RGSL1: variants seen among roughly 807,000 people sequenced by gnomAD.
The protein encoded by RGSL1 is regulator of G protein signaling protein-like.
Under a neutral mutation model 124.7 loss-of-function variants are expected in RGSL1, and 97 were observed. That is an observed-to-expected ratio of 0.78 (90% CI 0.66 to 0.92). RGSL1 has a LOEUF of 0.92. Ranked by LOEUF, RGSL1 falls within the 40% of genes least tolerant of loss-of-function variation. The probability of loss-of-function intolerance (pLI) is 0.00; values close to 1 mark genes in which losing one functional copy is unlikely to be tolerated. For missense variants in RGSL1, 1,233 were observed against 1,288.4 expected, an observed-to-expected ratio of 0.96 and a Z score of 0.66; for synonymous variants, 424 against 438.1, an observed-to-expected ratio of 0.97 and a Z score of 0.40.
At chr1:182,538,071 C>T (rs1659659704) in intron 14 of RGSL1, among the ~76,000 whole-genome samples, 2 of 152,298 alleles carry the variant, frequency 1.3e-5, no homozygotes, top group South Asian at 2.1e-4. Flanking sequence ...AGGGCTCACT[C>T]ATTTTTCCCA....
At chr1:182,458,893 T>G (rs929733171) in intron 3 of RGSL1, among the ~76,000 whole-genome samples, 1 of 152,148 alleles carries the variant, frequency 6.6e-6, no homozygotes, top group African/African-American at 2.4e-5. Flanking sequence ...AGGTCTACAT[T>G]TCTCCTTTTT....
chr1:182,524,214 TG>T (rs1285880154), intron 10 of RGSL1, among the ~76,000 whole-genome samples: 25 of 152,320 alleles, frequency 1.6e-4, no homozygotes, highest in African/African-American at 6.0e-4. Context: ...GGGGATTCTT[TG>T]GGGTTTGTTG....
chr1:182,473,328 T>A (rs1219027910), intron 5 of RGSL1, among the ~76,000 whole-genome samples: 2 of 152,176 alleles, frequency 1.3e-5, no homozygotes, highest in Non-Finnish European at 2.9e-5. Context: ...ATCTAAAAAG[T>A]AGCTAGAGGA....
intron 9 of RGSL1, among the ~76,000 whole-genome samples, chr1:182,516,335 A>G (rs1657897353): frequency 6.6e-6 from 1 of 152,182 alleles, no homozygotes; most frequent in African/African-American, 2.4e-5. Context: ...TCTCCTGTCC[A>G]TATCATCTGT....
In RGSL1 at chr1:182,530,882, T is replaced by G; in HGVS notation, c.2336T>G (p.Ile779Arg). ...ATTTCGTCTAGGAAGCCCTCAAAGA[T>G]AGTGTCAACTTACCTACAGGAATCC... Reference protein sequence around the residue: ...VQISSRKPSKIVSTYLQESQK... With the variant: ...VQISSRKPSKRVSTYLQESQK... Residue 779 changes from isoleucine (I) to arginine (R), a missense_variant, in exon 13 of 22, where the codon ATA becomes AGA. By Grantham distance (97) the Ile-to-Arg change is moderately conservative (BLOSUM62 -3). Transcript: ENST00000294854. 6.5e-7 allele frequency: 1 copy of G among 1,549,678 alleles called. No individual in the cohort carries two copies. The highest frequency in any genetic ancestry group is 8.7e-7 in the Non-Finnish European group (1 of 1,145,972).
At chr1:182,526,108 T>C (rs1267730671) in intron 10 of RGSL1, among the ~76,000 whole-genome samples, 1 of 152,174 alleles carries the variant, frequency 6.6e-6, no homozygotes, top group Non-Finnish European at 1.5e-5. Context: ...TTTTCTCACA[T>C]AGAAACACTC....
intron 15 of RGSL1, among the ~76,000 whole-genome samples, chr1:182,545,912 T>G (rs961549045): frequency 1.3e-5 from 2 of 152,202 alleles, no homozygotes; most frequent in Non-Finnish European, 2.9e-5. Context: ...TGGGTCAAAT[T>G]TATTTAATGT....
intron 9 of RGSL1, among the ~76,000 whole-genome samples, chr1:182,514,971 C>T (rs1657750524): frequency 1.3e-5 from 2 of 152,156 alleles, no homozygotes; most frequent in African/African-American, 4.8e-5. Flanking sequence ...TTTTGAAAGA[C>T]AGGAAAGTAG....
At chr1:182,514,333 G>A (rs983645660) in intron 9 of RGSL1, among the ~76,000 whole-genome samples, 16 of 152,088 alleles carry the variant, frequency 1.1e-4, no homozygotes, top group African/African-American at 3.9e-4. Flanking sequence ...TCGTCAGTGG[G>A]ATCCCATTTA....
intron 4 of RGSL1, among the ~76,000 whole-genome samples, chr1:182,466,826 C>T (rs1302812042): frequency 2.6e-5 from 4 of 152,216 alleles, no homozygotes; most frequent in East Asian, 1.9e-4. Context: ...AAACGTCAAT[C>T]CTAAAATTTC....
At position 182,484,628 on chromosome 1, in the gene RGSL1, G is replaced by C. The variant is rs936094331; in HGVS notation, c.1432-3657G>C. 5.3e-5 allele frequency among the ~76,000 whole-genome samples: 8 copies of C among 152,346 alleles called. 1 individual carries two copies. Among genetic ancestry groups the C allele is most frequent in the East Asian group, 1.9e-4 (1 of 5,178 alleles). On this transcript the variant is annotated intron_variant, in intron 6 of 21. Transcript: ENST00000294854. The stretch of plus-strand genomic sequence containing the variant: ...TATGGGGCAGCTCCAACAAGGCACT[G>C]TTTCCTCAGGAGGCAGTGTGCCATT...
intron 21 of RGSL1, among the ~76,000 whole-genome samples, chr1:182,557,947 A>T (rs1025253476): frequency 2.5e-4 from 38 of 152,168 alleles, no homozygotes; most frequent in African/African-American, 8.7e-4. Flanking sequence ...GATAAGAAGG[A>T]GTGGTAGAGA....
chr1:182,468,826 T>C (rs923837772), intron 4 of RGSL1, among the ~76,000 whole-genome samples: 2 of 152,050 alleles, frequency 1.3e-5, no homozygotes, highest in Non-Finnish European at 1.5e-5. Context: ...TGCAGACATA[T>C]GGAAAGACAG....
At chr1:182,466,934 T>C (rs1653384235) in intron 4 of RGSL1, among the ~76,000 whole-genome samples, 1 of 152,104 alleles carries the variant, frequency 6.6e-6, no homozygotes, top group South Asian at 2.1e-4. Context: ...TTTACAGCAA[T>C]CAACACAGTG....
intron 2 of RGSL1, among the ~76,000 whole-genome samples, chr1:182,455,352 T>C (rs1015206551): frequency 2.6e-5 from 4 of 151,796 alleles, no homozygotes; most frequent in Admixed American, 6.6e-5. Context: ...GAGGCCAAGG[T>C]GGGGGGATCA....
intron 9 of RGSL1, among the ~76,000 whole-genome samples, chr1:182,520,830 A>G (rs1014305696): frequency 6.6e-6 from 1 of 152,170 alleles, no homozygotes; most frequent in African/African-American, 2.4e-5. Flanking sequence ...TTCTGAAAGT[A>G]TTGCCAAACT....
At chr1:182,492,990 A>G (rs779831392) in intron 8 of RGSL1, 32 bp from the exon 9 acceptor site, 203 of 1,418,322 alleles carry the variant, frequency 1.4e-4, no homozygotes, top group Non-Finnish European at 1.8e-4. Context: ...TTGGACAACT[A>G]AACTCTATCT....
chr1:182,474,378 A>G lies in RGSL1; in HGVS notation c.1267A>G (p.Ile423Val), dbSNP rs1386425941. ...LLNNKKNGNA[I>V]FRHLLGDRIC... is the part of the protein sequence containing the mutation. ...GAATAACAAAAAGAATGGGAATGCA[A>G]TCTTTCGTCACTTGCTGGGTGACAG... The change falls in exon 6 of 22, where the codon ATC becomes GTC. Residue 423 changes from isoleucine to valine, a missense_variant. Physicochemically the swap from Ile to Val is conservative, Grantham distance 29. Coordinates refer to ENST00000294854, the MANE Select transcript of RGSL1 (RefSeq NM_001137669.2). 5.2e-6 allele frequency: 8 copies of G among 1,551,966 alleles called. No homozygotes were observed. The highest frequency in any genetic ancestry group is 7.0e-6 in the Non-Finnish European group (8 of 1,147,018).
intron 6 of RGSL1, among the ~76,000 whole-genome samples, chr1:182,484,898 G>A (rs1024265280): frequency 3.9e-5 from 6 of 152,156 alleles, no homozygotes; most frequent in African/African-American, 1.4e-4. Flanking sequence ...TTTGGCAGCA[G>A]TTTACCCTCA....
Sources: gnomAD v4.1 joint callset for allele counts (sites outside exome capture counted in the v4.1 genomes callset) on GRCh38, gnomAD v4.1.1 for gene constraint, MANE v1.5 for transcripts, NCBI Gene and HGNC (gene_info 2026-07-23, HGNC 2026-07-21) for gene names.